Variants in SLC44A4 observed in about 807,000 individuals in gnomAD.
SLC44A4 encodes the protein choline transporter-like protein 4.
In SLC44A4, 74 loss-of-function variants were observed where a neutral mutation model predicts 97.0. The observed-to-expected ratio is 0.76, with a 90% CI of 0.63 to 0.93. SLC44A4 has a LOEUF of 0.93. Among genes scored for constraint, SLC44A4 ranks in the 40% least tolerant of loss-of-function variants. The probability of loss-of-function intolerance (pLI) is 0.00; values close to 1 mark genes in which losing one functional copy is unlikely to be tolerated. For missense variants in SLC44A4, 799 were observed against 902.9 expected (o/e 0.88, Z 1.48); for synonymous variants, 325 against 363.8 (o/e 0.89, Z 1.21).
In SLC44A4 at chr6:31,875,837, C is replaced by A; in HGVS notation, c.242+15G>T. On this transcript the variant is annotated intron_variant, in intron 4 of 20. Transcript: ENST00000229729. Reference sequence around the variant, plus strand: ...CGCCTCGCTCCTGCACTCCTCTTCTCGCCTTTGTACTCACTTGTTCTCCCC... The same window carrying A: ...CGCCTCGCTCCTGCACTCCTCTTCTAGCCTTTGTACTCACTTGTTCTCCCC... 2 of 1,594,492 alleles carry A rather than the reference C, an allele frequency of 1.3e-6. No homozygotes were observed. The highest frequency in any genetic ancestry group is 1.1e-5 in the South Asian group (1 of 89,364).
Position 31,870,628 on chromosome 6 carries a change from T to C in SLC44A4, c.1012A>G (p.Ile338Val), listed in dbSNP as rs759769511. 4.4e-6 allele frequency: 7 copies of C among 1,606,208 alleles called. No individual in the cohort carries two copies. The East Asian group carries it at 9.0e-5, about 21-fold the overall frequency. The change falls in exon 11 of 21, where the codon ATC (isoleucine) becomes GTC (valine). Residue 338 changes from isoleucine to valine, a missense_variant. Ile to Val is a conservative substitution (Grantham distance 29, BLOSUM62 3). This residue lies in a region of SLC44A4 where 409 missense variants were observed against 434.1 expected (regional missense o/e 0.94). Coordinates refer to ENST00000229729, the MANE Select transcript of SLC44A4 (RefSeq NM_025257.3). ...IFLRQRIRIA[I>V]ALLKEASKAV... ...TTGCTGGCCTCCTTCAGGAGGGCGA[T>C]GGCAATACGAATCCGCTGCCGCAGG...
Position 31,875,904 on chromosome 6 carries a change from C to A in SLC44A4, c.190G>T (p.Val64Phe). The part of the protein sequence containing the change: ...VAWLYGDPRQ[V>F]LYPRNSTGAY... ...CCAGTAGAGTTCCTGGGGTAGAGGA[C>A]TTGCCGGGGGTCTCCATACAACCAG... The change falls in exon 4 of 21, where the codon GTC (valine) becomes TTC (phenylalanine). Residue 64 changes from valine to phenylalanine, a missense_variant. Physicochemically the swap from Val to Phe is conservative, Grantham distance 50. This residue lies in a region of SLC44A4 where 409 missense variants were observed against 434.1 expected (regional missense o/e 0.94). Transcript: ENST00000229729. 1 of 1,613,680 alleles carries A rather than the reference C, an allele frequency of 6.2e-7. No individual in the cohort carries two copies. The highest frequency in any genetic ancestry group is 8.5e-7 in the Non-Finnish European group (1 of 1,179,884).
Position 31,866,003 on chromosome 6 carries a change from T to TAC in SLC44A4, c.1356_1357insGT (p.Thr453ValfsTer36). 6.2e-7 allele frequency: 1 copy of TAC among 1,614,110 alleles called. No individual in the cohort carries two copies. The highest frequency in any genetic ancestry group is 8.5e-7 in the Non-Finnish European group (1 of 1,180,010). ...CCCAGGGCCAGTACCCAGTTAAGGGTCCAGAAGAGCCCCAGGACCCCATAG... is the reference window on the plus strand; with the variant it reads ...CCCAGGGCCAGTACCCAGTTAAGGGTACCCAGAAGAGCCCCAGGACCCCATAG... On this transcript the variant is annotated frameshift_variant, in exon 14 of 21. Coordinates refer to ENST00000229729, the MANE Select transcript of SLC44A4 (RefSeq NM_025257.3). LOFTEE classifies it high-confidence loss of function.
intron 20 of SLC44A4, 199 bp downstream of exon 20, chr6:31,864,453 G>C: frequency 3.3e-6 from 2 of 605,550 alleles, no homozygotes; most frequent in Non-Finnish European, 5.8e-6. Context: ...CTTCTTTGGA[G>C]AGCCTACCGG....
rs1762682296 is a variant in SLC44A4 at position 31,863,732 on chromosome 6, C to A, written c.2028G>T (p.Arg676=). The A allele has an allele frequency of 6.2e-7, 1 of 1,612,662 alleles. No homozygotes were observed. The highest frequency in any genetic ancestry group is 8.5e-7 in the Non-Finnish European group (1 of 1,179,952). The part of the protein sequence containing the change: ...LFLCFLEDLE[R]NNGSLDRPYY... ...AGGGCCGGTCCAGGGAGCCGTTGTTCCGCTCCAGGTCTTCCACTGAGCCGC... is the reference window on the plus strand; with the variant it reads ...AGGGCCGGTCCAGGGAGCCGTTGTTACGCTCCAGGTCTTCCACTGAGCCGC... The change falls in exon 21 of 21, where the codon CGG becomes CGT. Residue 676 remains arginine (R), a synonymous_variant. Transcript: ENST00000229729.
chr6:31,873,655 C>T (rs1763291507), intron 7 of SLC44A4, among the ~76,000 whole-genome samples: 1 of 149,472 alleles, frequency 6.7e-6, no homozygotes. Context: ...AAGACATTTG[C>T]TACTGGAAGG....
In SLC44A4 at chr6:31,878,865, C is replaced by G. The variant is rs1763609901; in HGVS notation, c.40+76G>C. ...CTCTCCTTAGTTCCTCTCCCTGGAG[C>G]CAGCCCCAGACACCATTCCCAAAGT... On this transcript the variant is annotated intron_variant, in intron 1 of 20. Coordinates refer to ENST00000229729, the MANE Select transcript of SLC44A4 (RefSeq NM_025257.3). The surrounding 1 kb of genome is among the most constrained non-coding windows in gnomAD (Gnocchi z 4.0). 3 of 1,518,358 alleles carry G rather than the reference C, an allele frequency of 2.0e-6. No homozygotes were observed. Among genetic ancestry groups the G allele is most frequent in the Non-Finnish European group, 2.7e-6 (3 of 1,093,348 alleles). 94.1% of individuals were successfully genotyped at this position (1,518,358 alleles called of 1,614,324 possible).
Position 31,878,440 on chromosome 6 carries a change from C to T in SLC44A4, c.40+501G>A, listed in dbSNP as rs978301904. 6.6e-5 allele frequency among the ~76,000 whole-genome samples: 10 copies of T among 152,162 alleles called. No individual in the cohort carries two copies. In the East Asian group the frequency reaches 1.9e-3, roughly 29 times the overall value. ...CAGCCCACTCAGGGTCCCCTCACTC[C>T]TCAAGGGAGCCGGCAGACCACAAGC... is the stretch of plus-strand genomic sequence containing the variant. On this transcript the variant is annotated intron_variant, in intron 1 of 20. Coordinates refer to ENST00000229729, the MANE Select transcript of SLC44A4 (RefSeq NM_025257.3). The surrounding 1 kb of genome is among the most constrained non-coding windows in gnomAD (Gnocchi z 4.0).
Position 31,876,064 on chromosome 6 carries a change from C to T in SLC44A4, c.155G>A (p.Gly52Glu). ...AGCAGCTGGAAACTCACCCACAATCCCCACCACGATGTAACCTAGAATGAA... is the reference window on the plus strand; with the variant it reads ...AGCAGCTGGAAACTCACCCACAATCTCCACCACGATGTAACCTAGAATGAA... Reference protein sequence around the residue: ...LLFILGYIVVGIVAWLYGDPR... With the variant: ...LLFILGYIVVEIVAWLYGDPR... The change falls in exon 3 of 21, where the codon GGG (glycine) becomes GAG (glutamate). Residue 52 changes from glycine to glutamate, a missense_variant. By Grantham distance (98) the Gly-to-Glu change is moderately conservative. Transcript: ENST00000229729. This position sits in a 1 kb window ranked among gnomAD's most constrained non-coding sequence, Gnocchi z 4.8. 1 of 1,614,068 alleles carries T rather than the reference C, an allele frequency of 6.2e-7. No homozygotes were observed. Among genetic ancestry groups the T allele is most frequent in the Non-Finnish European group, 8.5e-7 (1 of 1,180,026 alleles).
Position 31,870,845 on chromosome 6 carries a change from A to G in SLC44A4, c.904T>C (p.Tyr302His), listed in dbSNP as rs1487727144. Residue 302 changes from tyrosine (Y) to histidine (H), a missense_variant, in exon 10 of 21, where the codon TAC becomes CAC. Around this residue, in one of 3 missense-constraint regions of SLC44A4, gnomAD observed 409 missense variants for 434.1 expected, o/e 0.94. Coordinates refer to ENST00000229729, the MANE Select transcript of SLC44A4 (RefSeq NM_025257.3). ...AGCCAGGTCTCCTGCACGCTCTGGT[A>G]GGCACTGAGGTTGGTGGTGAAACCC... The part of the protein sequence containing the change: ...QLGFTTNLSA[Y>H]QSVQETWLAA... 1.2e-6 allele frequency: 2 copies of G among 1,612,910 alleles called. No homozygotes were observed. The highest frequency in any genetic ancestry group is 1.7e-6 in the Non-Finnish European group (2 of 1,180,014).
chr6:31,863,840 C>T (rs1257729542), intron 20 of SLC44A4, 92 bp from the exon 21 acceptor site: 1 of 1,546,950 alleles, frequency 6.5e-7, no homozygotes, highest in Non-Finnish European at 8.8e-7. Flanking sequence ...GGAATCCAAG[C>T]TGCACCACCA....
rs778079636 is a variant in SLC44A4, at chr6:31,865,467, A to G, written c.1686+31T>C. Reference sequence around the variant, plus strand: ...GGGGGTGTCTAGACCAAAGGGCACCAGAACAAAGGGTTGCTTGCAGTGTAG... The same window carrying G: ...GGGGGTGTCTAGACCAAAGGGCACCGGAACAAAGGGTTGCTTGCAGTGTAG... On this transcript the variant is annotated intron_variant, in intron 16 of 20. Coordinates refer to ENST00000229729, the MANE Select transcript of SLC44A4 (RefSeq NM_025257.3). This position sits in a 1 kb window ranked among gnomAD's most constrained non-coding sequence, Gnocchi z 5.2. The G allele has an allele frequency of 3.7e-6, 6 of 1,612,750 alleles. No homozygotes were observed. In the East Asian group the frequency reaches 8.9e-5, roughly 24 times the overall value.
chr6:31,865,850 C>G lies in SLC44A4; in HGVS notation c.1487+23G>C. ...CCTGGGGCCCCCGTGCCTACAATGA[C>G]CAGGCCCCTGCCCCATCCTTACCGG... On this transcript the variant is annotated intron_variant, in intron 14 of 20. Transcript: ENST00000229729. This position sits in a 1 kb window ranked among gnomAD's most constrained non-coding sequence, Gnocchi z 5.2. 1 of 1,613,976 alleles carries G rather than the reference C, an allele frequency of 6.2e-7. No homozygotes were observed. Among genetic ancestry groups the G allele is most frequent in the Non-Finnish European group, 8.5e-7 (1 of 1,179,882 alleles).
chr6:31,865,399 T>C lies in SLC44A4; in HGVS notation c.1687-11A>G, dbSNP rs771564309. The C allele has an allele frequency of 2.5e-6, 4 of 1,612,910 alleles. No homozygotes were observed. The highest frequency in any genetic ancestry group is 3.4e-6 in the Non-Finnish European group (4 of 1,179,772). On this transcript the variant is annotated splice_polypyrimidine_tract_variant and intron_variant, in intron 16 of 20. Transcript: ENST00000229729. This position sits in a 1 kb window ranked among gnomAD's most constrained non-coding sequence, Gnocchi z 5.2. Reference sequence around the variant, plus strand: ...CCCGTAGATGGCGATCTGAGGGAGGTGGAAAGGTCAGAGTTACCAAGGCGA... The same window carrying C: ...CCCGTAGATGGCGATCTGAGGGAGGCGGAAAGGTCAGAGTTACCAAGGCGA...
In SLC44A4 at chr6:31,869,532, G is replaced by A; in HGVS notation, c.1130+13C>T. On this transcript the variant is annotated intron_variant, in intron 12 of 20. Transcript: ENST00000229729. Reference sequence around the variant, plus strand: ...GGACTCCAAGAGTGGCTGGCTGCGTGGGCAGAGGATACAGAGCAGTCATGG... The same window carrying A: ...GGACTCCAAGAGTGGCTGGCTGCGTAGGCAGAGGATACAGAGCAGTCATGG... The A allele has an allele frequency of 6.3e-7, 1 of 1,590,258 alleles. No homozygotes were observed. Among genetic ancestry groups the A allele is most frequent in the Non-Finnish European group, 8.6e-7 (1 of 1,168,290 alleles).
intron 12 of SLC44A4, 131 bp from the exon 13 acceptor site, chr6:31,869,388 C>T: frequency 3.2e-6 from 3 of 942,892 alleles, no homozygotes; most frequent in Admixed American, 2.3e-5. Flanking sequence ...CCTGTGTGCA[C>T]CCTTTCAACT....
rs1003193372 is a variant in SLC44A4 at position 31,870,676 on chromosome 6, T to C, written c.964A>G (p.Ile322Val). ...AGGAAGATGAGCATCAGCAGCAGGATGGCTTCAAGCACCGCCAACACGATC... is the reference window on the plus strand; with the variant it reads ...AGGAAGATGAGCATCAGCAGCAGGACGGCTTCAAGCACCGCCAACACGATC... Reference protein sequence around the residue: ...ALIVLAVLEAILLLMLIFLRQ... With the variant: ...ALIVLAVLEAVLLLMLIFLRQ... The change falls in exon 11 of 21, where the codon ATC becomes GTC. Residue 322 changes from isoleucine (I) to valine (V), a missense_variant. Ile to Val is a conservative substitution (Grantham distance 29). Coordinates refer to ENST00000229729, the MANE Select transcript of SLC44A4 (RefSeq NM_025257.3). 6.2e-7 allele frequency: 1 copy of C among 1,611,156 alleles called. No individual in the cohort carries two copies. Among genetic ancestry groups the C allele is most frequent in the Middle Eastern group, 1.6e-4 (1 of 6,062 alleles).
chr6:31,874,987 A>G lies in SLC44A4; in HGVS notation c.284T>C (p.Ile95Thr). ...AACTGAGATGATGTTGCTGGACAGGATGCAGCTGAAGATGTTGAAGTACAG... is the reference window on the plus strand; with the variant it reads ...AACTGAGATGATGTTGCTGGACAGGGTGCAGCTGAAGATGTTGAAGTACAG... ...YLLYFNIFSCILSSNIISVAE... is the reference protein window; with the variant it reads ...YLLYFNIFSCTLSSNIISVAE... Residue 95 changes from isoleucine to threonine, a missense_variant, in exon 5 of 21, where the codon ATC becomes ACC. Ile to Thr is a moderately conservative substitution (Grantham distance 89). Around this residue, in one of 3 missense-constraint regions of SLC44A4, gnomAD observed 409 missense variants for 434.1 expected, o/e 0.94. Coordinates refer to ENST00000229729, the MANE Select transcript of SLC44A4 (RefSeq NM_025257.3). The surrounding 1 kb of genome is among the most constrained non-coding windows in gnomAD (Gnocchi z 4.8). 1 of 1,613,236 alleles carries G rather than the reference A, an allele frequency of 6.2e-7. No homozygotes were observed. Among genetic ancestry groups the G allele is most frequent in the Non-Finnish European group, 8.5e-7 (1 of 1,179,992 alleles).
chr6:31,866,080 T>C lies in SLC44A4; in HGVS notation c.1280A>G (p.Gln427Arg), dbSNP rs759735893. 1 of 1,614,152 alleles carries C rather than the reference T, an allele frequency of 6.2e-7. No homozygotes were observed. The highest frequency in any genetic ancestry group is 1.1e-5 in the South Asian group (1 of 91,084). ...SSCPGLMCVF[Q>R]GYSSKGLIQR... ...GATTAGGCCTTTGGATGAGTAGCCC[T>C]GGAAGACGCACATCAGCCCTGGGCA... Residue 427 changes from glutamine (Q) to arginine (R), a missense_variant, in exon 14 of 21, where the codon CAG becomes CGG. Around this residue, in one of 3 missense-constraint regions of SLC44A4, gnomAD observed 379 missense variants for 438.3 expected, o/e 0.86. Coordinates refer to ENST00000229729, the MANE Select transcript of SLC44A4 (RefSeq NM_025257.3).
Sources: allele counts gnomAD v4.1 joint callset (sites outside exome capture counted in the v4.1 genomes callset), GRCh38; gene constraint gnomAD v4.1.1; regional missense constraint gnomAD v4.1.1; non-coding constraint Gnocchi (gnomAD v3.1); transcripts MANE v1.5; gene names NCBI Gene and HGNC (gene_info 2026-07-23, HGNC 2026-07-21).